The following ANKRD66 variants were observed in gnomAD, a reference collection of about 807,000 sequenced individuals.
ANKRD66 encodes the protein ankyrin repeat domain-containing protein 66.
In ANKRD66, 10 loss-of-function variants were observed where a neutral mutation model predicts 10.9. The ratio of observed to expected loss-of-function variants is 0.91; its 90% CI spans 0.56 to 1.55. ANKRD66 has a LOEUF of 1.55. Ranked by LOEUF, ANKRD66 falls within the 40% of genes most tolerant of loss-of-function variation. The pLI is 0.00. For missense variants in ANKRD66, 252 were observed against 242.9 expected, an observed-to-expected ratio of 1.04 and a Z score of -0.25; for synonymous variants, 85 against 88.4, an observed-to-expected ratio of 0.96 and a Z score of 0.22.
rs1582609214 is a variant in ANKRD66, at chr6:46,758,771, G to T, written c.441G>T (p.Gly147=). The change falls in exon 5 of 5, where the codon GGG becomes GGT. Residue 147 remains glycine (G), a synonymous_variant. Coordinates refer to ENST00000565422, the MANE Select transcript of ANKRD66 (RefSeq NM_001162435.3). ...QDHRCAAQQK[G]LPLDERDEDW... ...ACCGTTGCGCTGCCCAGCAGAAGGGGCTGCCTCTGGATGAGCGTGATGAAG... is the reference window on the plus strand; with the variant it reads ...ACCGTTGCGCTGCCCAGCAGAAGGGTCTGCCTCTGGATGAGCGTGATGAAG... The T allele has an allele frequency of 6.4e-7, 1 of 1,551,054 alleles. No individual in the cohort carries two copies. Among genetic ancestry groups the T allele is most frequent in the Non-Finnish European group, 8.7e-7 (1 of 1,146,814 alleles).
chr6:46,752,064 A>G lies in ANKRD66; in HGVS notation c.116A>G (p.Asp39Gly), dbSNP rs1766281610. 1 of 1,534,860 alleles carries G rather than the reference A, an allele frequency of 6.5e-7. No homozygotes were observed. The highest frequency in any genetic ancestry group is 8.8e-7 in the Non-Finnish European group (1 of 1,140,100). ...GGTCTCTGTGACCCAAACTACAAAGATGTAGACTGGAATGACCGGACCCCA... is the reference window on the plus strand; with the variant it reads ...GGTCTCTGTGACCCAAACTACAAAGGTGTAGACTGGAATGACCGGACCCCA... ...KKGLCDPNYK[D>G]VDWNDRTPLH... The change falls in exon 3 of 5, where the codon GAT becomes GGT. Residue 39 changes from aspartate to glycine, a missense_variant. Asp to Gly is a moderately conservative substitution (Grantham distance 94). Transcript: ENST00000565422.
Position 46,758,241 on chromosome 6 carries a change from A to T in ANKRD66, c.393-482A>T, listed in dbSNP as rs1254350020. The T allele has an allele frequency of 2.0e-5, 3 of 152,642 alleles. No homozygotes were observed. In the East Asian group the frequency reaches 5.8e-4, roughly 29 times the overall value. 9.5% of individuals were successfully genotyped at this position (152,642 alleles called of 1,614,324 possible). A position where few individuals can be genotyped will look rare whatever the true frequency, so the allele number is the denominator to read the frequency against. ...GCTCTATTTATTTATCCATCCATGTATCCATTTACAATTATATGTATTTTT... is the reference window on the plus strand; with the variant it reads ...GCTCTATTTATTTATCCATCCATGTTTCCATTTACAATTATATGTATTTTT... On this transcript the variant is annotated intron_variant, in intron 4 of 4. Coordinates refer to ENST00000565422, the MANE Select transcript of ANKRD66 (RefSeq NM_001162435.3).
chr6:46,755,976 T>C, intron 4 of ANKRD66: 1 of 354,268 alleles, frequency 2.8e-6, no homozygotes, highest in Non-Finnish European at 5.4e-6. Flanking sequence ...ATCAGTGTTA[T>C]GCACATTTAC....
At position 46,749,968 on chromosome 6, in the gene ANKRD66, G is replaced by C; in HGVS notation, c.-24G>C. ...AAAGATGGCCGGACCCCTGCCCAGA[G>C]TTTCAGATTCTGTAAGTCTGGGGCT... is the stretch of plus-strand genomic sequence containing the variant. On this transcript the variant is annotated 5_prime_UTR_variant, in exon 2 of 5. Coordinates refer to ENST00000565422, the MANE Select transcript of ANKRD66 (RefSeq NM_001162435.3). 1 of 1,466,740 alleles carries C rather than the reference G, an allele frequency of 6.8e-7. No homozygotes were observed. The allele number at this position is 1,466,740 out of a possible 1,614,324, so 90.9% of individuals were successfully genotyped here. A position where few individuals can be genotyped will look rare whatever the true frequency, so the allele number is the denominator to read the frequency against.
chr6:46,756,232 G>A (rs960527450), intron 4 of ANKRD66: 2 of 261,394 alleles, frequency 7.7e-6, no homozygotes, highest in African/African-American at 2.3e-5. Context: ...ATCAAATTGA[G>A]TAGGTTTTAA....
rs1244876456 is a variant in ANKRD66 at position 46,749,930 on chromosome 6, G to C, written c.-62G>C. On this transcript the variant is annotated 5_prime_UTR_variant, in exon 2 of 5. Coordinates refer to ENST00000565422, the MANE Select transcript of ANKRD66 (RefSeq NM_001162435.3). ...CACATTTCAATGCACTCACCTGGAG[G>C]GCTTACCACAACAAAGATGGCCGGA... 1.6e-5 allele frequency: 25 copies of C among 1,549,456 alleles called. No individual in the cohort carries two copies. The highest frequency in any genetic ancestry group is 2.2e-5 in the Non-Finnish European group (25 of 1,145,336).
At chr6:46,752,659 C>A (rs1255306873) in intron 3 of ANKRD66, among the ~76,000 whole-genome samples, 4 of 152,166 alleles carry the variant, frequency 2.6e-5, no homozygotes, top group South Asian at 2.1e-4. Context: ...ACCTTGGAGC[C>A]CTGTGATGGG....
intron 3 of ANKRD66, among the ~76,000 whole-genome samples, chr6:46,752,598 T>A (rs1268526334): frequency 3.3e-5 from 5 of 152,216 alleles, no homozygotes; most frequent in Non-Finnish European, 7.3e-5. Flanking sequence ...AGCAAGTTAT[T>A]TGATATCTCT....
chr6:46,758,091 C>T (rs1352247916), intron 4 of ANKRD66: 1 of 152,194 alleles, frequency 6.6e-6, no homozygotes, highest in African/African-American at 2.4e-5. Flanking sequence ...CTCTTAAATT[C>T]CATTTGTCCT....
intron 3 of ANKRD66, among the ~76,000 whole-genome samples, chr6:46,752,417 T>C (rs1766291459): frequency 6.6e-6 from 1 of 152,164 alleles, no homozygotes; most frequent in Admixed American, 6.5e-5. Context: ...GTATTTTTAA[T>C]GGAGAAGGTG....
intron 3 of ANKRD66, among the ~76,000 whole-genome samples, chr6:46,753,094 G>T: frequency 6.6e-6 from 1 of 152,190 alleles, no homozygotes; most frequent in South Asian, 2.1e-4. Flanking sequence ...GTGAAGATTT[G>T]CTATGTGCTG....
At chr6:46,747,418 C>T (rs1242267606) in intron 1 of ANKRD66, among the ~76,000 whole-genome samples, 1 of 152,138 alleles carries the variant, frequency 6.6e-6, no homozygotes, top group East Asian at 1.9e-4. Context: ...ATTTCATCAC[C>T]CCAAAAAGAA....
intron 1 of ANKRD66, among the ~76,000 whole-genome samples, chr6:46,749,563 C>G (rs190323771): frequency 0.076 from 8,113 of 106,582 alleles, 683 homozygotes; most frequent in Middle Eastern, 0.11. Context: ...CCCCCCCCCC[C>G]CCCCGCTTTT....
chr6:46,752,932 C>T (rs1323175198), intron 3 of ANKRD66, among the ~76,000 whole-genome samples: 1 of 152,216 alleles, frequency 6.6e-6, no homozygotes, highest in Non-Finnish European at 1.5e-5. Context: ...TAAGAAAGTG[C>T]TATGGTCAAC....
chr6:46,749,069 T>C (rs1198134150), intron 1 of ANKRD66, among the ~76,000 whole-genome samples: 3 of 152,214 alleles, frequency 2.0e-5, no homozygotes, highest in African/African-American at 7.2e-5. Flanking sequence ...TGAACCTCCA[T>C]GGGATAGCAC....
At chr6:46,754,850 C>T (rs1405194146) in intron 4 of ANKRD66, among the ~76,000 whole-genome samples, 1 of 152,214 alleles carries the variant, frequency 6.6e-6, no homozygotes, top group Non-Finnish European at 1.5e-5. Flanking sequence ...AGTAAAGAGG[C>T]AGAACCTTGA....
intron 4 of ANKRD66, among the ~76,000 whole-genome samples, chr6:46,754,570 C>G (rs1219001854): frequency 6.6e-6 from 1 of 152,114 alleles, no homozygotes; most frequent in Non-Finnish European, 1.5e-5. Flanking sequence ...TTTCGACAAG[C>G]AATTCATACA....
chr6:46,751,759 G>T (rs1156940589), intron 2 of ANKRD66, among the ~76,000 whole-genome samples, 178 bp from the exon 3 acceptor site: 2 of 152,140 alleles, frequency 1.3e-5, no homozygotes, highest in Admixed American at 6.5e-5. Flanking sequence ...TAGGTGACAG[G>T]CAGGCACTAA....
At chr6:46,755,406 C>T (rs1440880081) in intron 4 of ANKRD66, among the ~76,000 whole-genome samples, 1 of 152,208 alleles carries the variant, frequency 6.6e-6, no homozygotes, top group African/African-American at 2.4e-5. Flanking sequence ...ACACCTCAGC[C>T]TGTCTTTCAG....
Sources: allele counts gnomAD v4.1 joint callset (sites outside exome capture counted in the v4.1 genomes callset), GRCh38; gene constraint gnomAD v4.1.1; transcripts MANE v1.5; gene names NCBI Gene and HGNC (gene_info 2026-07-23, HGNC 2026-07-21).